The following PRR5L variants were observed in gnomAD, a reference collection of about 807,000 sequenced individuals.
PRR5L encodes proline rich 5 like.
In PRR5L, 21 loss-of-function variants were observed where a neutral mutation model predicts 36.4. The ratio of observed to expected loss-of-function variants is 0.58; its 90% CI spans 0.41 to 0.83. The LOEUF (loss-of-function observed/expected upper bound fraction) is 0.83, where lower values mean the gene tolerates loss of function less well. Ranked by LOEUF, PRR5L falls within the 40% of genes least tolerant of loss-of-function variation. The pLI is 0.00. For synonymous variants in PRR5L, 188 were observed against 197.0 expected, an observed-to-expected ratio of 0.95 and a Z score of 0.38; for missense variants, 381 against 473.3, an observed-to-expected ratio of 0.80 and a Z score of 1.81.
chr11:36,437,938 C>A (rs912766667), intron 6 of PRR5L, among the ~76,000 whole-genome samples: 2 of 152,072 alleles, frequency 1.3e-5, no homozygotes, highest in Non-Finnish European at 2.9e-5. Flanking sequence ...TGTAAGGGAT[C>A]CTACGTGATT....
At chr11:36,444,452 C>T (rs1246524515) in intron 6 of PRR5L, among the ~76,000 whole-genome samples, 9 of 152,164 alleles carry the variant, frequency 5.9e-5, no homozygotes, top group African/African-American at 1.7e-4. Flanking sequence ...AGCCCTTTTT[C>T]TGATCTGTTT....
intron 1 of PRR5L, chr11:36,362,043 T>C (rs1857094502): frequency 7.9e-6 from 1 of 126,844 alleles, no homozygotes; most frequent in Non-Finnish European, 1.6e-5. Flanking sequence ...TAATAACAAA[T>C]GAGTACATAA....
intron 1 of PRR5L, among the ~76,000 whole-genome samples, chr11:36,348,572 G>T (rs967246896): frequency 9.8e-5 from 15 of 152,296 alleles, no homozygotes; most frequent in African/African-American, 3.6e-4. Context: ...GTATTGATTT[G>T]CATCATAAAT....
intron 3 of PRR5L, among the ~76,000 whole-genome samples, chr11:36,409,344 G>A (rs578180269): frequency 3.3e-5 from 5 of 152,258 alleles, no homozygotes; most frequent in East Asian, 1.9e-4. Context: ...GACAGGAAAC[G>A]CACATTTTCC....
chr11:36,395,976 C>T (rs1382833810), intron 1 of PRR5L: 1 of 152,180 alleles, frequency 6.6e-6, no homozygotes, highest in Non-Finnish European at 1.5e-5. Flanking sequence ...GCAGTCCGCC[C>T]GCCTCAGCCT....
At chr11:36,440,751 A>T (rs895011879) in intron 6 of PRR5L, among the ~76,000 whole-genome samples, 1 of 152,174 alleles carries the variant, frequency 6.6e-6, no homozygotes, top group African/African-American at 2.4e-5. Context: ...GCTGAACAAG[A>T]AGTGTAGTTG....
intron 3 of PRR5L, among the ~76,000 whole-genome samples, chr11:36,412,718 G>T (rs1049397120): frequency 6.6e-6 from 1 of 151,450 alleles, no homozygotes; most frequent in Admixed American, 6.6e-5. Flanking sequence ...TTTTGGCCTA[G>T]GTGTCTAATG....
chr11:36,351,240 A>T (rs1355100324), intron 1 of PRR5L, among the ~76,000 whole-genome samples: 3 of 83,888 alleles, frequency 3.6e-5, no homozygotes, highest in African/African-American at 1.0e-4. Context: ...ATATATATTT[A>T]TATATATTTT....
chr11:36,350,457 T>C (rs1270223493), intron 1 of PRR5L, among the ~76,000 whole-genome samples: 1 of 151,972 alleles, frequency 6.6e-6, no homozygotes, highest in Non-Finnish European at 1.5e-5. Context: ...TGACTTGGGA[T>C]TGGTTATGAA....
chr11:36,464,648 T>C lies in PRR5L; in HGVS notation c.*1912T>C, dbSNP rs1859258976. 1 of 152,052 alleles carries C rather than the reference T, an allele frequency of 6.6e-6. No individual in the cohort carries two copies. Among genetic ancestry groups the C allele is most frequent in the African/African-American group, 2.4e-5 (1 of 41,334 alleles). The allele number at this position is 152,052 out of a possible 1,614,324, so 9.4% of individuals were successfully genotyped here. On this transcript the variant is annotated 3_prime_UTR_variant, in exon 9 of 9. Transcript: ENST00000530639. ...ATGTAACTGATAGCTTCTGTCCTTA[T>C]TAGTACACTTAACATTTGAGACTAG...
rs143056709 is a variant in PRR5L, at chr11:36,446,893, A to G, written c.585+453A>G. Among the ~76,000 whole-genome samples the G allele has an allele frequency of 3.4e-3, 510 of 152,058 alleles. 2 individuals are homozygous for G. Among genetic ancestry groups the G allele is most frequent in the African/African-American group, 0.012 (487 of 41,464 alleles). On this transcript the variant is annotated intron_variant, in intron 7 of 8. Coordinates refer to ENST00000530639, the MANE Select transcript of PRR5L (RefSeq NM_001160167.2). The stretch of plus-strand genomic sequence containing the variant: ...GCCATGAAGCCACCATCCTTTCTCT[A>G]CTTTCTAGTCTCTACTTGTATCTGG...
chr11:36,329,803 C>A (rs1856700674), intron 1 of PRR5L, among the ~76,000 whole-genome samples: 1 of 152,160 alleles, frequency 6.6e-6, no homozygotes, highest in African/African-American at 2.4e-5. Flanking sequence ...GAATTCCTAT[C>A]TTCTTGAGGT....
intron 6 of PRR5L, among the ~76,000 whole-genome samples, chr11:36,445,393 T>C (rs1348562316): frequency 6.6e-6 from 1 of 152,208 alleles, no homozygotes; most frequent in Non-Finnish European, 1.5e-5. Flanking sequence ...TGCTCTACTT[T>C]GGGTGTATTA....
At chr11:36,322,709 T>C (rs1856624403) in intron 1 of PRR5L, among the ~76,000 whole-genome samples, 1 of 152,154 alleles carries the variant, frequency 6.6e-6, no homozygotes, top group Non-Finnish European at 1.5e-5. Context: ...CCAGGTGTTA[T>C]GAATTGCTGG....
intron 1 of PRR5L, among the ~76,000 whole-genome samples, chr11:36,338,287 T>A (rs1377810006): frequency 6.6e-6 from 1 of 152,246 alleles, no homozygotes; most frequent in Non-Finnish European, 1.5e-5. Flanking sequence ...AGCTCCTTTG[T>A]TCACAGTCTC....
At chr11:36,325,859 A>G (rs1248591985) in intron 1 of PRR5L, among the ~76,000 whole-genome samples, 2 of 152,214 alleles carry the variant, frequency 1.3e-5, no homozygotes, top group Admixed American at 6.5e-5. Context: ...AAACTCCTCC[A>G]GGACAAATAT....
intron 4 of PRR5L, among the ~76,000 whole-genome samples, chr11:36,428,750 G>A (rs1858434172): frequency 6.6e-6 from 1 of 152,138 alleles, no homozygotes; most frequent in Non-Finnish European, 1.5e-5. Flanking sequence ...CTGGGGGCAG[G>A]GGGTTATATA....
intron 3 of PRR5L, among the ~76,000 whole-genome samples, chr11:36,415,723 A>G (rs1858127728): frequency 6.6e-6 from 1 of 152,184 alleles, no homozygotes; most frequent in Non-Finnish European, 1.5e-5. Flanking sequence ...CAGCTTGGGC[A>G]ACAGAGTGCA....
At chr11:36,304,651 G>T (rs1856411171) in intron 1 of PRR5L, among the ~76,000 whole-genome samples, 1 of 152,170 alleles carries the variant, frequency 6.6e-6, no homozygotes, top group African/African-American at 2.4e-5. Flanking sequence ...AAATAGTGTT[G>T]CAGCGAACTT....
Sources: gnomAD v4.1 joint callset for allele counts (sites outside exome capture counted in the v4.1 genomes callset) on GRCh38, gnomAD v4.1.1 for gene constraint, MANE v1.5 for transcripts, NCBI Gene and HGNC (gene_info 2026-07-23, HGNC 2026-07-21) for gene names.